The following SCAPER variants were observed in gnomAD, a reference collection of about 807,000 sequenced individuals.
SCAPER encodes the protein S-phase cyclin A associated protein in the ER.
In SCAPER, 98 loss-of-function variants were observed where a neutral mutation model predicts 182.2. The ratio of observed to expected loss-of-function variants is 0.54; its 90% CI spans 0.46 to 0.64. The LOEUF is 0.64. SCAPER is among the 30% of genes least tolerant of loss of function. SCAPER has a pLI of 0.00. For missense variants in SCAPER, 1,432 were observed against 1,690.0 expected (o/e 0.85, Z 2.68); for synonymous variants, 605 against 564.6 (o/e 1.07, Z -1.01).
At chr15:76,646,917 G>C (rs1289234538) in intron 21 of SCAPER, among the ~76,000 whole-genome samples, 1 of 152,118 alleles carries the variant, frequency 6.6e-6, no homozygotes, top group Admixed American at 6.5e-5. Context: ...GGTCCTAAAA[G>C]CATTATCTTC....
intron 24 of SCAPER, among the ~76,000 whole-genome samples, chr15:76,488,524 C>G (rs1483627158): frequency 6.6e-6 from 1 of 151,956 alleles, no homozygotes; most frequent in Non-Finnish European, 1.5e-5. Context: ...CATACTCTCT[C>G]CTTCAATCTT....
At position 76,414,479 on chromosome 15, in the gene SCAPER, C is replaced by G. The variant is rs117448906; in HGVS notation, c.3312-9800G>C. 4.6e-5 allele frequency among the ~76,000 whole-genome samples: 7 copies of G among 151,796 alleles called. No individual in the cohort carries two copies. The East Asian group carries it at 1.4e-3, about 29-fold the overall frequency. On this transcript the variant is annotated intron_variant, in intron 26 of 31. Transcript: ENST00000563290. ...ATGCAGCTGGAGGAAAAAAAAGACA[C>G]AACCTACAGGGGAAAAATGACATAA...
chr15:76,735,219 T>G (rs576117465), intron 15 of SCAPER, among the ~76,000 whole-genome samples: 119 of 151,484 alleles, frequency 7.9e-4, no homozygotes, highest in Non-Finnish European at 1.3e-3. Context: ...TATAGATATA[T>G]ATATTTAGCC....
intron 17 of SCAPER, among the ~76,000 whole-genome samples, chr15:76,714,201 C>G (rs1419654577): frequency 1.3e-5 from 2 of 152,062 alleles, no homozygotes; most frequent in Non-Finnish European, 2.9e-5. Context: ...TACCAAGCAG[C>G]ATGAAATATT....
At chr15:76,876,952 T>G (rs2073210351) in intron 2 of SCAPER, among the ~76,000 whole-genome samples, 1 of 152,180 alleles carries the variant, frequency 6.6e-6, no homozygotes, top group Admixed American at 6.5e-5. Flanking sequence ...CCAAATAGAT[T>G]TGGCTGGGTA....
At position 76,599,827 on chromosome 15, in the gene SCAPER, G is replaced by C. The variant is rs1203075196; in HGVS notation, c.2711+21937C>G. Among the ~76,000 whole-genome samples, 2 of 120,774 alleles carry C rather than the reference G, an allele frequency of 1.7e-5. 1 individual carries two copies. Among genetic ancestry groups the C allele is most frequent in the Non-Finnish European group, 4.0e-5 (2 of 49,736 alleles). The allele number at this position is 120,774 out of a possible 152,430, so 79.2% of individuals were successfully genotyped here. A position where few individuals can be genotyped will look rare whatever the true frequency, so the allele number is the denominator to read the frequency against. On this transcript the variant is annotated intron_variant, in intron 22 of 31. Transcript: ENST00000563290. ...TGATGATACTGTGCAAATTTTGAGA[G>C]GTGTTTAAAATACTCAGTGTCTGCA...
intron 22 of SCAPER, among the ~76,000 whole-genome samples, chr15:76,590,651 T>C (rs983026081): frequency 1.3e-5 from 2 of 152,184 alleles, no homozygotes; most frequent in Non-Finnish European, 2.9e-5. Context: ...GAACTACAAA[T>C]GGAACTGCCA....
intron 25 of SCAPER, among the ~76,000 whole-genome samples, chr15:76,452,472 G>A (rs284903): frequency 0.12 from 18,465 of 152,118 alleles, 1,530 homozygotes; most frequent in African/African-American, 0.24. Flanking sequence ...CATCCCCTTC[G>A]AGGAATTTTC....
At chr15:76,352,561 A>C (rs899995388) in intron 30 of SCAPER, among the ~76,000 whole-genome samples, 1 of 150,786 alleles carries the variant, frequency 6.6e-6, no homozygotes, top group Non-Finnish European at 1.5e-5. Context: ...GGCTCACTGC[A>C]ACCTCTGCCT....
intron 23 of SCAPER, among the ~76,000 whole-genome samples, chr15:76,537,856 TCAAA>T (rs1312290853): frequency 6.6e-6 from 1 of 151,844 alleles, no homozygotes; most frequent in Non-Finnish European, 1.5e-5. Flanking sequence ...TACAATCAAC[TCAAA>T]CAAATTTACG....
In SCAPER at chr15:76,704,749, C is replaced by A. The variant is rs201759318; in HGVS notation, c.2247+1154G>T. ...GAGTGGGCGAAGGATATGAACAGAC[C>A]CTTCTCAAAAGAAGACATTTATGCA... On this transcript the variant is annotated intron_variant, in intron 18 of 31. Coordinates refer to ENST00000563290, the MANE Select transcript of SCAPER (RefSeq NM_020843.4). Among the ~76,000 whole-genome samples the A allele has an allele frequency of 7.0e-4, 106 of 152,124 alleles. 2 individuals carry two copies. The East Asian group carries it at 0.012, about 17-fold the overall frequency.
intron 21 of SCAPER, among the ~76,000 whole-genome samples, chr15:76,649,259 T>G (rs2146498383): frequency 6.6e-6 from 1 of 152,200 alleles, no homozygotes; most frequent in South Asian, 2.1e-4. Context: ...ATAGTCAGAC[T>G]CAGTCTCTAA....
At chr15:76,538,159 G>A (rs1488960708) in intron 23 of SCAPER, among the ~76,000 whole-genome samples, 18 of 141,958 alleles carry the variant, frequency 1.3e-4, no homozygotes, top group East Asian at 2.1e-4. Context: ...TCAGTGTGGC[G>A]ATTCCTCAGG....
chr15:76,839,898 T>A (rs911644197), intron 5 of SCAPER, among the ~76,000 whole-genome samples: 2 of 152,180 alleles, frequency 1.3e-5, no homozygotes, highest in African/African-American at 2.4e-5. Context: ...TATATATTTT[T>A]AAGTAAATTT....
intron 17 of SCAPER, among the ~76,000 whole-genome samples, chr15:76,725,081 A>G (rs2060500790): frequency 6.6e-6 from 1 of 152,082 alleles, no homozygotes; most frequent in Non-Finnish European, 1.5e-5. Flanking sequence ...CCACCCCCCA[A>G]TAAATGGTAT....
intron 24 of SCAPER, among the ~76,000 whole-genome samples, chr15:76,489,484 GTT>G (rs2052059574): frequency 6.6e-6 from 1 of 151,474 alleles, no homozygotes; most frequent in East Asian, 2.0e-4. Flanking sequence ...TATTCCTGTA[GTT>G]TTGCCTTCTT....
At chr15:76,690,281 A>T (rs2058282087) in intron 20 of SCAPER, among the ~76,000 whole-genome samples, 1 of 152,158 alleles carries the variant, frequency 6.6e-6, no homozygotes, top group Admixed American at 6.5e-5. Flanking sequence ...ATATACTTCA[A>T]GTCATCAGGC....
intron 23 of SCAPER, among the ~76,000 whole-genome samples, chr15:76,528,064 A>G (rs113889540): frequency 0.018 from 2,743 of 152,294 alleles, 90 homozygotes; most frequent in African/African-American, 0.061. Context: ...TTAAAGAACC[A>G]GATAGTAAAC....
At chr15:76,526,656 C>G (rs2043219436) in intron 23 of SCAPER, among the ~76,000 whole-genome samples, 1 of 152,026 alleles carries the variant, frequency 6.6e-6, no homozygotes, top group Non-Finnish European at 1.5e-5. Flanking sequence ...ATGACCCAAG[C>G]TATTAATTCT....
Sources: gnomAD v4.1 joint callset for allele counts (sites outside exome capture counted in the v4.1 genomes callset) on GRCh38, gnomAD v4.1.1 for gene constraint, MANE v1.5 for transcripts, NCBI Gene and HGNC (gene_info 2026-07-23, HGNC 2026-07-21) for gene names.